QTMAN: variants seen among roughly 807,000 people sequenced by gnomAD.
The protein encoded by QTMAN is tRNA-queuosine alpha-mannosyltransferase.
the QTMAN span, among the ~76,000 whole-genome samples, chr2:144,315,309 T>C: frequency 6.6e-6 from 1 of 152,324 alleles, no homozygotes; most frequent in South Asian, 2.1e-4. Flanking sequence ...ATAACAAACT[T>C]ATAGCCTAAG....
the QTMAN span, among the ~76,000 whole-genome samples, chr2:144,228,221 T>G: frequency 6.6e-6 from 1 of 152,186 alleles, no homozygotes; most frequent in African/African-American, 2.4e-5. Context: ...TTCTACTACT[T>G]GGAGCCAGAG....
At chr2:144,200,539 T>C in the QTMAN span, among the ~76,000 whole-genome samples, 4 of 152,314 alleles carry the variant, frequency 2.6e-5, no homozygotes, top group African/African-American at 7.2e-5. Context: ...AGAAATCTCA[T>C]AATGTTTTAA....
the QTMAN span, among the ~76,000 whole-genome samples, chr2:144,081,420 A>G: frequency 2.6e-5 from 4 of 152,160 alleles, no homozygotes; most frequent in African/African-American, 9.7e-5. Context: ...AAAAGGTCCA[A>G]ATAAGTTCTG....
At chr2:143,964,900 C>G in the QTMAN span, among the ~76,000 whole-genome samples, 14 of 152,142 alleles carry the variant, frequency 9.2e-5, no homozygotes, top group African/African-American at 3.4e-4. Flanking sequence ...GCTAAAACTC[C>G]TTTTCCCACC....
At chr2:144,289,482 T>C in the QTMAN span, among the ~76,000 whole-genome samples, 11 of 152,074 alleles carry the variant, frequency 7.2e-5, no homozygotes, top group African/African-American at 2.7e-4. Context: ...ATAAAACAAC[T>C]AAGAACAAAA....
At chr2:144,242,807 T>A in the QTMAN span, among the ~76,000 whole-genome samples, 1 of 151,106 alleles carries the variant, frequency 6.6e-6, no homozygotes, top group Non-Finnish European at 1.5e-5. Context: ...ATTAAAAATA[T>A]AAAAATTAGC....
At chr2:144,020,537 C>T in the QTMAN span, among the ~76,000 whole-genome samples, 1 of 152,322 alleles carries the variant, frequency 6.6e-6, no homozygotes, top group Non-Finnish European at 1.5e-5. Context: ...CACCTATAGA[C>T]AGCAAAACTA....
At chr2:144,046,730 TA>T in the QTMAN span, among the ~76,000 whole-genome samples, 1 of 152,248 alleles carries the variant, frequency 6.6e-6, no homozygotes, top group East Asian at 1.9e-4. Flanking sequence ...AGTTTTCTGA[TA>T]ACTAGTGTCA....
chr2:144,127,647 A>G, the QTMAN span, among the ~76,000 whole-genome samples: 1 of 152,000 alleles, frequency 6.6e-6, no homozygotes, highest in African/African-American at 2.4e-5. Context: ...ACAGAGGAGT[A>G]GGTGTGACCT....
the QTMAN span, among the ~76,000 whole-genome samples, chr2:144,137,969 C>A: frequency 2.6e-5 from 4 of 152,040 alleles, no homozygotes; most frequent in Non-Finnish European, 1.5e-5. Context: ...CCCCTTTGTT[C>A]CACAGGATAA....
At chr2:144,145,445 T>C in the QTMAN span, 1 of 581,476 alleles carries the variant, frequency 1.7e-6, no homozygotes, top group South Asian at 2.8e-5. Flanking sequence ...ATTGTTTAAA[T>C]ATTTGCACCT....
the QTMAN span, among the ~76,000 whole-genome samples, chr2:144,114,708 A>T: frequency 6.6e-6 from 1 of 152,110 alleles, no homozygotes; most frequent in Non-Finnish European, 1.5e-5. Flanking sequence ...AAAACAAAAC[A>T]AAACAAAACA....
At chr2:144,244,234 G>A in the QTMAN span, among the ~76,000 whole-genome samples, 1 of 152,214 alleles carries the variant, frequency 6.6e-6, no homozygotes, top group East Asian at 1.9e-4. Flanking sequence ...GCTCATGACA[G>A]CACTGCTGTG....
At chr2:144,315,770 A>G in the QTMAN span, among the ~76,000 whole-genome samples, 1 of 152,188 alleles carries the variant, frequency 6.6e-6, no homozygotes, top group East Asian at 1.9e-4. Flanking sequence ...AAACAATTAG[A>G]AAAGTATTTT....
chr2:144,019,935 C>T, the QTMAN span, among the ~76,000 whole-genome samples: 2 of 152,208 alleles, frequency 1.3e-5, no homozygotes, highest in Non-Finnish European at 2.9e-5. Flanking sequence ...TTTGTTTGTT[C>T]ATTCCATGAG....
At chr2:144,278,541 C>CT in the QTMAN span, among the ~76,000 whole-genome samples, 2,377 of 137,748 alleles carry the variant, frequency 0.017, 36 homozygotes, top group African/African-American at 0.035. Flanking sequence ...TGTTTTCCTT[C>CT]TTTTTTTTTT....
At chr2:144,178,807 C>T in the QTMAN span, 1 of 351,402 alleles carries the variant, frequency 2.8e-6, no homozygotes, top group Non-Finnish European at 5.7e-6. Flanking sequence ...TAGAAATAAT[C>T]AACTGATGCC....
chr2:144,318,449 C>A, the QTMAN span, among the ~76,000 whole-genome samples: 1 of 152,172 alleles, frequency 6.6e-6, no homozygotes, highest in Admixed American at 6.5e-5. Flanking sequence ...CTACAACACA[C>A]CTGTCTTTCA....
At chr2:144,219,318 A>T in the QTMAN span, among the ~76,000 whole-genome samples, 3 of 152,000 alleles carry the variant, frequency 2.0e-5, no homozygotes, top group Non-Finnish European at 4.4e-5. Flanking sequence ...TTTAGTAGAG[A>T]CGGGATTTCA....
Sources: gnomAD v4.1 joint callset for allele counts (sites outside exome capture counted in the v4.1 genomes callset) on GRCh38, gnomAD v4.1.1 for gene constraint, MANE v1.5 for transcripts, NCBI Gene and HGNC (gene_info 2026-07-23, HGNC 2026-07-21) for gene names.